The following NHLRC2 variants were observed in gnomAD, a reference collection of about 807,000 sequenced individuals.
NHLRC2 encodes the protein NHL repeat-containing protein 2.
NHLRC2 carries 33 observed loss-of-function variants against 68.1 expected under a neutral mutation model. The observed-to-expected ratio is 0.48, with a 90% CI of 0.37 to 0.65. NHLRC2 has a LOEUF of 0.65. NHLRC2 is among the 30% of genes least tolerant of loss of function. The pLI is 0.00. For synonymous variants in NHLRC2, 311 were observed against 309.6 expected, an observed-to-expected ratio of 1.00 and a Z score of -0.05; for missense variants, 761 against 853.8, an observed-to-expected ratio of 0.89 and a Z score of 1.35.
At chr10:113,867,988 G>GTT (rs1845884831) in intron 2 of NHLRC2, among the ~76,000 whole-genome samples, 1 of 152,176 alleles carries the variant, frequency 6.6e-6, no homozygotes, top group South Asian at 2.1e-4. Flanking sequence ...TATTTATCAT[G>GTT]TTTTTTGTTG....
intron 2 of NHLRC2, among the ~76,000 whole-genome samples, chr10:113,870,543 A>C (rs1589537253): frequency 1.3e-5 from 2 of 152,286 alleles, no homozygotes; most frequent in South Asian, 4.1e-4. Flanking sequence ...CCACTCTCCT[A>C]TCCTGTGTGT....
In NHLRC2 at chr10:113,854,935, A is replaced by C; in HGVS notation, c.63A>C (p.Leu21=). The change falls in exon 1 of 11, where the codon CTA becomes CTC. Residue 21 remains leucine (L), a synonymous_variant. Coordinates refer to ENST00000369301, the MANE Select transcript of NHLRC2 (RefSeq NM_198514.4). The part of the protein sequence containing the change: ...LSGLLPAQTS[L]EYALLDAVTQ... ...GCCTGCTCCCCGCGCAGACCTCGCTAGAGTACGCCCTGCTCGACGCCGTTA... is the reference window on the plus strand; with the variant it reads ...GCCTGCTCCCCGCGCAGACCTCGCTCGAGTACGCCCTGCTCGACGCCGTTA... The C allele has an allele frequency of 3.2e-6, 5 of 1,554,702 alleles. No individual in the cohort carries two copies. Among genetic ancestry groups the C allele is most frequent in the Non-Finnish European group, 3.5e-6 (4 of 1,148,704 alleles).
At position 113,903,520 on chromosome 10, in the gene NHLRC2, T is replaced by C. The variant is rs1231162105; in HGVS notation, c.1495-7T>C. 2 of 1,572,586 alleles carry C rather than the reference T, an allele frequency of 1.3e-6. No homozygotes were observed. On this transcript the variant is annotated splice_polypyrimidine_tract_variant and splice_region_variant and intron_variant, in intron 8 of 10. Transcript: ENST00000369301. Reference sequence around the variant, plus strand: ...AGTTATATAAGTTTTTGTTCTTTCTTTTTTAGATTAAAGTTGTGGATCCAA... The same window carrying C: ...AGTTATATAAGTTTTTGTTCTTTCTCTTTTAGATTAAAGTTGTGGATCCAA...
intron 2 of NHLRC2, among the ~76,000 whole-genome samples, chr10:113,874,438 GTGTT>G (rs1443952517): frequency 3.0e-5 from 3 of 101,632 alleles, no homozygotes; most frequent in South Asian, 3.9e-4. Flanking sequence ...TTCAAGGCAT[GTGTT>G]TGTGTGTGTG....
At chr10:113,895,073 T>A (rs1846165121) in intron 5 of NHLRC2, among the ~76,000 whole-genome samples, 1 of 152,212 alleles carries the variant, frequency 6.6e-6, no homozygotes, top group African/African-American at 2.4e-5. Context: ...ATCCACAGCA[T>A]TTTTTAGGGT....
chr10:113,898,471 TGA>T (rs1303349806), intron 6 of NHLRC2, among the ~76,000 whole-genome samples: 3 of 152,236 alleles, frequency 2.0e-5, no homozygotes, highest in African/African-American at 7.2e-5. Context: ...CCTGGCACAG[TGA>T]GAGAGAAAGA....
chr10:113,876,549 G>A lies in NHLRC2; in HGVS notation c.360G>A (p.Ser120=), dbSNP rs145967532. 8.5e-5 allele frequency: 137 copies of A among 1,603,894 alleles called. No individual in the cohort carries two copies. Among genetic ancestry groups the A allele is most frequent in the Non-Finnish European group, 1.1e-4 (128 of 1,174,478 alleles). ...KDGLLIIGVH[S]AKFPNEKVLD... is the part of the protein sequence containing the mutation. ...GTCTTCTTATTATTGGTGTTCACTCGGCTAAGTTTCCAAATGAAAAAGTCC... is the reference window on the plus strand; with the variant it reads ...GTCTTCTTATTATTGGTGTTCACTCAGCTAAGTTTCCAAATGAAAAAGTCC... Residue 120 remains serine (S), a synonymous_variant, in exon 3 of 11, where the codon TCG becomes TCA. Coordinates refer to ENST00000369301, the MANE Select transcript of NHLRC2 (RefSeq NM_198514.4).
At chr10:113,865,442 T>G (rs1368314344) in intron 2 of NHLRC2, among the ~76,000 whole-genome samples, 1 of 152,102 alleles carries the variant, frequency 6.6e-6, no homozygotes, top group African/African-American at 2.4e-5. Flanking sequence ...ATATATTTCT[T>G]TTTTAGATTA....
rs1846301150 is a variant in NHLRC2, at chr10:113,909,100, G to GT, written c.*568dup. The GT allele has an allele frequency of 6.6e-6, 1 of 152,150 alleles. No homozygotes were observed. The highest frequency in any genetic ancestry group is 1.5e-5 in the Non-Finnish European group (1 of 68,044). The allele number at this position is 152,150 out of a possible 1,614,324, so 9.4% of individuals were successfully genotyped here. The stretch of plus-strand genomic sequence containing the variant: ...AATACGATCTTTATTCTCTTCTGTG[G>GT]TTTTCTCAGTTGAGATATTTTTAAA... On this transcript the variant is annotated 3_prime_UTR_variant, in exon 11 of 11. Coordinates refer to ENST00000369301, the MANE Select transcript of NHLRC2 (RefSeq NM_198514.4).
intron 2 of NHLRC2, among the ~76,000 whole-genome samples, chr10:113,867,860 A>G (rs1193952281): frequency 6.6e-6 from 1 of 152,212 alleles, no homozygotes. Context: ...CTACTATAGT[A>G]TATACAATTG....
intron 5 of NHLRC2, 132 bp downstream of exon 5, chr10:113,884,512 GTTTGT>G (rs765460024): frequency 4.6e-5 from 27 of 588,744 alleles, no homozygotes; most frequent in Non-Finnish European, 6.9e-5. Context: ...ATGCCTCAGA[GTTTGT>G]TAATTGTGTA....
chr10:113,902,919 C>T (rs1202405290), intron 8 of NHLRC2, among the ~76,000 whole-genome samples: 1 of 152,172 alleles, frequency 6.6e-6, no homozygotes, highest in Non-Finnish European at 1.5e-5. Context: ...TGTCATCTAA[C>T]AAATGAACGT....
intron 10 of NHLRC2, among the ~76,000 whole-genome samples, chr10:113,907,768 T>A (rs866535985): frequency 6.6e-6 from 1 of 152,182 alleles, no homozygotes; most frequent in Non-Finnish European, 1.5e-5. Flanking sequence ...TGTGTATTTT[T>A]AAATTATTTT....
In NHLRC2 at chr10:113,913,852, T is replaced by TG. The variant is rs1846351830; in HGVS notation, c.*5316_*5317insG. 1 of 148,328 alleles carries TG rather than the reference T, an allele frequency of 6.7e-6. No homozygotes were observed. The highest frequency in any genetic ancestry group is 6.7e-5 in the Admixed American group (1 of 14,952). The allele number at this position is 148,328 out of a possible 1,614,324, so 9.2% of individuals were successfully genotyped here. ...CTTTTTGTTGTTGTTGTTTTGTTTT[T>TG]TTTTTTTTTTTTTGAGATGGAGTCT... is the stretch of plus-strand genomic sequence containing the variant. On this transcript the variant is annotated 3_prime_UTR_variant, in exon 11 of 11. Coordinates refer to ENST00000369301, the MANE Select transcript of NHLRC2 (RefSeq NM_198514.4).
Position 113,858,378 on chromosome 10 carries a change from A to T in NHLRC2, c.179-150A>T, listed in dbSNP as rs1010580277. The T allele has an allele frequency of 5.3e-6, 3 of 569,328 alleles. No individual in the cohort carries two copies. In the African/African-American group the frequency reaches 5.7e-5, roughly 11 times the overall value. 35.3% of individuals were successfully genotyped at this position (569,328 alleles called of 1,614,324 possible). On this transcript the variant is annotated intron_variant, in intron 1 of 10. Transcript: ENST00000369301. ...GTTCATAGTAAACAACTATAAATAC[A>T]TGCAACTGCCACAGCCTTTATATGG...
chr10:113,873,369 G>C lies in NHLRC2; in HGVS notation c.332-3152G>C, dbSNP rs544413511. Among the ~76,000 whole-genome samples, 8 of 152,238 alleles carry C rather than the reference G, an allele frequency of 5.3e-5. No individual in the cohort carries two copies. The East Asian group carries it at 5.8e-4, about 11-fold the overall frequency. Reference sequence around the variant, plus strand: ...CATGTAGAGCTAACACCAAAACTAAGATGTAGAGTTTTGGTATATTAGTCA... The same window carrying C: ...CATGTAGAGCTAACACCAAAACTAACATGTAGAGTTTTGGTATATTAGTCA... On this transcript the variant is annotated intron_variant, in intron 2 of 10. Transcript: ENST00000369301.
chr10:113,869,247 T>G (rs1449225462), intron 2 of NHLRC2, among the ~76,000 whole-genome samples: 1 of 152,168 alleles, frequency 6.6e-6, no homozygotes. Flanking sequence ...GTGGGCTGAT[T>G]GATTACTACA....
intron 2 of NHLRC2, among the ~76,000 whole-genome samples, chr10:113,864,161 A>G (rs1197340133): frequency 6.6e-6 from 1 of 152,234 alleles, no homozygotes; most frequent in East Asian, 1.9e-4. Context: ...AATTTCACTT[A>G]CACAGGGTAC....
rs760889186 is a variant in NHLRC2, at chr10:113,876,604, T to C, written c.415T>C (p.Tyr139His). Residue 139 changes from tyrosine (Y) to histidine (H), a missense_variant, in exon 3 of 11, where the codon TAC becomes CAC. By Grantham distance (83) the Tyr-to-His change is moderately conservative. Coordinates refer to ENST00000369301, the MANE Select transcript of NHLRC2 (RefSeq NM_198514.4). ...TAACATTAAGAGTGCTGTTCTTCGA[T>C]ACAACATCACCCACCCTATGGTTAA... is the stretch of plus-strand genomic sequence containing the variant. ...LDNIKSAVLR[Y>H]NITHPMVNDA... is the part of the protein sequence containing the mutation. 1 of 1,613,638 alleles carries C rather than the reference T, an allele frequency of 6.2e-7. No homozygotes were observed. The highest frequency in any genetic ancestry group is 1.1e-5 in the South Asian group (1 of 91,056).
Sources: gnomAD v4.1 joint callset for allele counts (sites outside exome capture counted in the v4.1 genomes callset) on GRCh38, gnomAD v4.1.1 for gene constraint, MANE v1.5 for transcripts, NCBI Gene and HGNC (gene_info 2026-07-23, HGNC 2026-07-21) for gene names.